The following SIGLEC8 variants were observed in gnomAD, a reference collection of about 807,000 sequenced individuals.
SIGLEC8 encodes sialic acid-binding Ig-like lectin 8.
A neutral mutation model predicts 42.1 loss-of-function variants in SIGLEC8; 32 were observed. The ratio of observed to expected loss-of-function variants is 0.76; its 90% confidence interval spans 0.57 to 1.02. The LOEUF (loss-of-function observed/expected upper bound fraction) is 1.02, where lower values mean the gene tolerates loss of function less well. SIGLEC8 is among the 50% of genes least tolerant of loss of function. The pLI, the probability that SIGLEC8 is intolerant of heterozygous loss-of-function variation, is 0.00. For synonymous variants in SIGLEC8, 262 were observed against 260.3 expected, an observed-to-expected ratio of 1.01 and a Z score of -0.06; for missense variants, 611 against 610.2, an observed-to-expected ratio of 1.00 and a Z score of -0.01.
chr19:51,453,068 TTTTTG>T (rs1008491776), intron 6 of SIGLEC8, among the ~76,000 whole-genome samples: 7 of 151,504 alleles, frequency 4.6e-5, no homozygotes, highest in African/African-American at 1.2e-4. Context: ...TGCAGCTCAG[TTTTTG>T]TTTTGTTTTG....
intron 1 of SIGLEC8, 95 bp downstream of exon 1, chr19:51,457,839 T>C: frequency 6.5e-7 from 1 of 1,550,208 alleles, no homozygotes; most frequent in South Asian, 1.2e-5. Context: ...GACCGACTTA[T>C]TTCAATCCCA....
chr19:51,454,357 G>A lies in SIGLEC8; in HGVS notation c.1149-42C>T, dbSNP rs553741641. ...GAGAGCCTTTCAGTGTGGTCAGATC[G>A]GGGTGCAGTGGGCAGACCAACCCCT... is the stretch of plus-strand genomic sequence containing the variant. On this transcript the variant is annotated intron_variant, in intron 5 of 6. Transcript: ENST00000321424. The surrounding 1 kb of genome is among the most constrained non-coding windows in gnomAD (Gnocchi z 4.7). 2.5e-5 allele frequency: 40 copies of A among 1,612,094 alleles called. No individual in the cohort carries two copies. The highest frequency in any genetic ancestry group is 2.2e-4 in the Middle Eastern group (1 of 4,546).
rs745919880 is a variant in SIGLEC8 at position 51,455,580 on chromosome 19, G to C, written c.889C>G (p.Arg297Gly). ...SNPPARLSWT[R>G]GSLTLCPSRS... ...GAGGGGCACAGGGTCAGGCTCCCCC[G>C]GGTCCAGCTCAGCCTGGCAGGGGGA... Residue 297 changes from arginine to glycine, a missense_variant, in exon 4 of 7, where the codon CGG becomes GGG. Transcript: ENST00000321424. The C allele has an allele frequency of 1.7e-5, 28 of 1,613,990 alleles. No individual in the cohort carries two copies. Among genetic ancestry groups the C allele is most frequent in the South Asian group, 3.3e-5 (3 of 91,074 alleles).
Position 51,458,030 on chromosome 19 carries a change from C to G in SIGLEC8, c.358G>C (p.Gly120Arg), listed in dbSNP as rs982355653. 5.0e-6 allele frequency: 8 copies of G among 1,614,026 alleles called. No homozygotes were observed. The highest frequency in any genetic ancestry group is 1.7e-5 in the Admixed American group (1 of 60,000). The change falls in exon 1 of 7, where the codon GGG becomes CGG. Residue 120 changes from glycine (G) to arginine (R), a missense_variant. Gly to Arg is a moderately radical substitution (Grantham distance 125, BLOSUM62 -2). Transcript: ENST00000321424. ...CTCTCTAGCCGAAAGAAATATGACCCCTTATCCCTCTTCCTGGCGTCTCTG... is the reference window on the plus strand; with the variant it reads ...CTCTCTAGCCGAAAGAAATATGACCGCTTATCCCTCTTCCTGGCGTCTCTG... The part of the protein sequence containing the change: ...SIRDARKRDK[G>R]SYFFRLERGS...
chr19:51,458,258 G>T lies in SIGLEC8; in HGVS notation c.130C>A (p.His44Asn), dbSNP rs1989547149. 1 of 1,614,146 alleles carries T rather than the reference G, an allele frequency of 6.2e-7. No individual in the cohort carries two copies. Among genetic ancestry groups the T allele is most frequent in the African/African-American group, 1.3e-5 (1 of 75,018 alleles). ...GGGTAGGAGAAGGAGCAGGGCACAT[G>T]GACACACAGGCCCTCCTGCACCGTC... ...LVTVQEGLCV[H>N]VPCSFSYPQD... Residue 44 changes from histidine (H) to asparagine (N), a missense_variant, in exon 1 of 7, where the codon CAT becomes AAT. By Grantham distance (68) the His-to-Asn change is moderately conservative (BLOSUM62 1). Transcript: ENST00000321424.
At position 51,452,426 on chromosome 19, in the gene SIGLEC8, C is replaced by T; in HGVS notation, c.1453G>A (p.Ala485Thr). 1 of 1,612,374 alleles carries T rather than the reference C, an allele frequency of 6.2e-7. No homozygotes were observed. Among genetic ancestry groups the T allele is most frequent in the Non-Finnish European group, 8.5e-7 (1 of 1,178,558 alleles). ...GAGGGGTTGTGATTCCTCAAACAGG[C>T]CTGAGTCTCTGCAGTTTCTCGCTTG... ...IHKRETAETQ[A>T]CLRNHNPSSK... Residue 485 changes from alanine to threonine, a missense_variant, in exon 7 of 7, where the codon GCC (alanine) becomes ACC (threonine). Transcript: ENST00000321424.
intron 6 of SIGLEC8, chr19:51,453,995 A>T (rs1188407187): frequency 1.0e-6 from 1 of 985,090 alleles, no homozygotes; most frequent in East Asian, 1.1e-4. Flanking sequence ...GAAAAGGAGG[A>T]CAGAGAGGAG....
chr19:51,452,460 G>C lies in SIGLEC8; in HGVS notation c.1419C>G (p.Ile473Met). Residue 473 changes from isoleucine (I) to methionine (M), a missense_variant, in exon 7 of 7, where the codon ATC becomes ATG. By Grantham distance (10) the Ile-to-Met change is conservative. Coordinates refer to ENST00000321424, the MANE Select transcript of SIGLEC8 (RefSeq NM_014442.3). ...QEATDSEYSEIKIHKRETAET... is the reference protein window; with the variant it reads ...QEATDSEYSEMKIHKRETAET... ...CTGCAGTTTCTCGCTTGTGGATCTT[G>C]ATCTCCGAGTATTCACTGTCAGTGG... 4 of 1,612,916 alleles carry C rather than the reference G, an allele frequency of 2.5e-6. No individual in the cohort carries two copies. The highest frequency in any genetic ancestry group is 3.4e-6 in the Non-Finnish European group (4 of 1,178,964).
In SIGLEC8 at chr19:51,457,494, T is replaced by A. The variant is rs1989522879; in HGVS notation, c.700A>T (p.Thr234Ser). Reference protein sequence around the residue: ...CQVTLPGTGVTTTSTVRLDVS... With the variant: ...CQVTLPGTGVSTTSTVRLDVS... Reference sequence around the variant, plus strand: ...TCGAGGCGGACGGTACTGGTCGTGGTCACACCTGTCCCAGGCAAGGTCACC... The same window carrying A: ...TCGAGGCGGACGGTACTGGTCGTGGACACACCTGTCCCAGGCAAGGTCACC... The change falls in exon 2 of 7, where the codon ACC becomes TCC. Residue 234 changes from threonine to serine, a missense_variant. Thr to Ser is a moderately conservative substitution (Grantham distance 58, BLOSUM62 1). Transcript: ENST00000321424. The A allele has an allele frequency of 6.2e-7, 1 of 1,613,694 alleles. No individual in the cohort carries two copies. The highest frequency in any genetic ancestry group is 1.7e-5 in the Admixed American group (1 of 59,994).
chr19:51,457,055 C>G, intron 3 of SIGLEC8, 129 bp downstream of exon 3: 1 of 865,864 alleles, frequency 1.2e-6, no homozygotes, highest in Non-Finnish European at 2.0e-6. Context: ...GATGTGGGCT[C>G]TTGTGCCCTG....
At chr19:51,456,173 C>T (rs1989488626) in intron 3 of SIGLEC8, among the ~76,000 whole-genome samples, 1 of 151,908 alleles carries the variant, frequency 6.6e-6, no homozygotes, top group African/African-American at 2.4e-5. Flanking sequence ...ACATATGTAA[C>T]AAACCTGCAC....
Position 51,452,346 on chromosome 19 carries a change from A to G in SIGLEC8, c.*33T>C, listed in dbSNP as rs1369343680. Reference sequence around the variant, plus strand: ...GAGCCCTGGTGACCTACTGCATAGCATGGGGCTCTAGAGGGTTCTTGTTCT... The same window carrying G: ...GAGCCCTGGTGACCTACTGCATAGCGTGGGGCTCTAGAGGGTTCTTGTTCT... On this transcript the variant is annotated 3_prime_UTR_variant, in exon 7 of 7. Transcript: ENST00000321424. 6.4e-7 allele frequency: 1 copy of G among 1,555,316 alleles called. No homozygotes were observed.
intron 6 of SIGLEC8, among the ~76,000 whole-genome samples, chr19:51,453,223 G>C (rs540857548): frequency 1.1e-4 from 16 of 152,130 alleles, no homozygotes; most frequent in Non-Finnish European, 2.2e-4. Flanking sequence ...CAAGTAGCTG[G>C]GACTGCAGGA....
intron 6 of SIGLEC8, chr19:51,453,811 G>A (rs1375971815): frequency 7.1e-6 from 7 of 985,062 alleles, no homozygotes; most frequent in Non-Finnish European, 8.4e-6. Context: ...TACCTGACCT[G>A]GGGAAGCTCA....
At position 51,454,152 on chromosome 19, in the gene SIGLEC8, C is replaced by G; in HGVS notation, c.1245+67G>C. 30 of 1,606,994 alleles carry G rather than the reference C, an allele frequency of 1.9e-5. No individual in the cohort carries two copies. The highest frequency in any genetic ancestry group is 2.5e-5 in the Non-Finnish European group (29 of 1,176,086). ...CTTTGGCCATACCAAAGAGAGCGATCCTGGGGGCCATCCTGTCAGAGGTGT... is the reference window on the plus strand; with the variant it reads ...CTTTGGCCATACCAAAGAGAGCGATGCTGGGGGCCATCCTGTCAGAGGTGT... On this transcript the variant is annotated intron_variant, in intron 6 of 6. Coordinates refer to ENST00000321424, the MANE Select transcript of SIGLEC8 (RefSeq NM_014442.3). This position sits in a 1 kb window ranked among gnomAD's most constrained non-coding sequence, Gnocchi z 4.7.
Position 51,457,489 on chromosome 19 carries a change from C to A in SIGLEC8, c.705G>T (p.Thr235=). ...QVTLPGTGVT[T]TSTVRLDVSY... ...ACACATCGAGGCGGACGGTACTGGT[C>A]GTGGTCACACCTGTCCCAGGCAAGG... The change falls in exon 2 of 7, where the codon ACG becomes ACT. Residue 235 remains threonine (T), a synonymous_variant. Coordinates refer to ENST00000321424, the MANE Select transcript of SIGLEC8 (RefSeq NM_014442.3). 1 of 1,613,764 alleles carries A rather than the reference C, an allele frequency of 6.2e-7. No homozygotes were observed. The highest frequency in any genetic ancestry group is 1.1e-5 in the South Asian group (1 of 91,062).
At chr19:51,455,728 T>G in intron 3 of SIGLEC8, 41 bp from the exon 4 acceptor site, 1 of 1,545,604 alleles carries the variant, frequency 6.5e-7, no homozygotes, top group East Asian at 2.2e-5. Context: ...TTACTGGGTA[T>G]ATACCCAAAG....
chr19:51,453,520 C>A (rs1387158722), intron 6 of SIGLEC8: 1 of 462,132 alleles, frequency 2.2e-6, no homozygotes, highest in Non-Finnish European at 2.8e-6. Flanking sequence ...CATGGTGAAA[C>A]CCCGTCTCTA....
rs1315863473 is a variant in SIGLEC8, at chr19:51,454,635, G to T, written c.1148+49C>A. 1 of 1,473,804 alleles carries T rather than the reference G, an allele frequency of 6.8e-7. No individual in the cohort carries two copies. The highest frequency in any genetic ancestry group is 9.5e-7 in the Non-Finnish European group (1 of 1,053,020). 91.3% of individuals were successfully genotyped at this position (1,473,804 alleles called of 1,614,324 possible). ...TCTGGCTTCAGGGATTCTGTTCCCGGTCTGCCCTGCCCCAGGTCTCTCTCT... is the reference window on the plus strand; with the variant it reads ...TCTGGCTTCAGGGATTCTGTTCCCGTTCTGCCCTGCCCCAGGTCTCTCTCT... On this transcript the variant is annotated intron_variant, in intron 5 of 6. Transcript: ENST00000321424. This position sits in a 1 kb window ranked among gnomAD's most constrained non-coding sequence, Gnocchi z 4.7.
Sources: allele counts gnomAD v4.1 joint callset (sites outside exome capture counted in the v4.1 genomes callset), GRCh38; gene constraint gnomAD v4.1.1; non-coding constraint Gnocchi (gnomAD v3.1); transcripts MANE v1.5; gene names NCBI Gene and HGNC (gene_info 2026-07-23, HGNC 2026-07-21).